The following PREX1 variants were observed in gnomAD, a reference collection of about 807,000 sequenced individuals.
PREX1 encodes phosphatidylinositol 3,4,5-trisphosphate-dependent Rac exchanger 1 protein.
PREX1 carries 41 observed loss-of-function variants against 198.3 expected under a neutral mutation model. That is an observed-to-expected ratio of 0.21 (90% CI 0.16 to 0.27). The LOEUF (loss-of-function observed/expected upper bound fraction) is 0.27, where lower values mean the gene tolerates loss of function less well. Among genes scored for constraint, PREX1 ranks in the 10% least tolerant of loss-of-function variants. The pLI, the probability that PREX1 is intolerant of heterozygous loss-of-function variation, is 1.00. For missense variants in PREX1, 1,620 were observed against 2,200.7 expected, an observed-to-expected ratio of 0.74 and a Z score of 5.28; for synonymous variants, 843 against 887.2, an observed-to-expected ratio of 0.95 and a Z score of 0.89.
the PREX1 span, among the ~76,000 whole-genome samples, chr20:48,861,428 C>CG: frequency 5.3e-5 from 8 of 152,172 alleles, no homozygotes; most frequent in Admixed American, 4.6e-4. Flanking sequence ...TCCGGCCACC[C>CG]GGGGGCTATG....
intron 29 of PREX1, among the ~76,000 whole-genome samples, chr20:48,640,240 T>C (rs1349995671): frequency 3.3e-5 from 5 of 152,206 alleles, no homozygotes; most frequent in African/African-American, 9.6e-5. Flanking sequence ...TCTCAGGAAC[T>C]ACCTCCTCAT....
chr20:48,771,628 A>G lies in PREX1; in HGVS notation c.220-23748T>C, dbSNP rs532951573. ...CTCCAGCCTGGGCGACAGGAGCAAA[A>G]CTCCATCTCAAAATAAAAAAAGGCA... On this transcript the variant is annotated intron_variant, in intron 1 of 39. Transcript: ENST00000371941. Among the ~76,000 whole-genome samples the G allele has an allele frequency of 2.6e-5, 4 of 151,818 alleles. No individual in the cohort carries two copies. The South Asian group carries it at 8.3e-4, about 32-fold the overall frequency.
At chr20:48,700,614 T>C in intron 7 of PREX1, 139 bp downstream of exon 7, 1 of 1,109,656 alleles carries the variant, frequency 9.0e-7, no homozygotes, top group Non-Finnish European at 1.3e-6. Context: ...TTGCATTGTA[T>C]TCCTACTAGA....
At chr20:48,702,070 A>C (rs1601085970) in intron 6 of PREX1, among the ~76,000 whole-genome samples, 1 of 152,260 alleles carries the variant, frequency 6.6e-6, no homozygotes, top group Middle Eastern at 3.4e-3. Flanking sequence ...TTAGCCAGGC[A>C]TGATGGCAGA....
At chr20:48,703,666 C>A (rs1281821468) in intron 6 of PREX1, among the ~76,000 whole-genome samples, 1 of 152,126 alleles carries the variant, frequency 6.6e-6, no homozygotes, top group African/African-American at 2.4e-5. Context: ...AGCTGCCAAG[C>A]CCCAAGATCA....
chr20:48,761,673 ATCAAGGG>A (rs2090181066), intron 1 of PREX1, among the ~76,000 whole-genome samples: 3 of 152,186 alleles, frequency 2.0e-5, no homozygotes, highest in Non-Finnish European at 4.4e-5. Context: ...CGCAGCCCCC[ATCAAGGG>A]GCTGGGGCCT....
Position 48,700,985 on chromosome 20 carries a change from A to C in PREX1, c.784-99T>G. On this transcript the variant is annotated intron_variant, in intron 6 of 39. Coordinates refer to ENST00000371941, the MANE Select transcript of PREX1 (RefSeq NM_020820.4). ...ACTACCACCTCCTGCCACATGCCAAAAACTCCACCAGCAAGTCTGTCAATG... is the reference window on the plus strand; with the variant it reads ...ACTACCACCTCCTGCCACATGCCAACAACTCCACCAGCAAGTCTGTCAATG... The C allele has an allele frequency of 2.6e-6, 4 of 1,509,446 alleles. No homozygotes were observed. The South Asian group carries it at 4.6e-5, about 18-fold the overall frequency. 93.5% of individuals were successfully genotyped at this position (1,509,446 alleles called of 1,614,324 possible).
intron 1 of PREX1, among the ~76,000 whole-genome samples, chr20:48,812,543 A>G (rs1018536927): frequency 6.6e-6 from 1 of 151,778 alleles, no homozygotes; most frequent in Non-Finnish European, 1.5e-5. Flanking sequence ...CTAGAATGCT[A>G]TTATTAAATT....
Position 48,691,439 on chromosome 20 carries a change from C to T in PREX1, c.1037-343G>A, listed in dbSNP as rs1212654222. Among the ~76,000 whole-genome samples, 1 of 152,188 alleles carries T rather than the reference C, an allele frequency of 6.6e-6. No homozygotes were observed. Among genetic ancestry groups the T allele is most frequent in the Non-Finnish European group, 1.5e-5 (1 of 68,042 alleles). ...CCATCTCACTCGGGCACTGGAGTTA[C>T]TTAAAACCTTAGTGCCAGCCTGACA... On this transcript the variant is annotated intron_variant, in intron 8 of 39. Coordinates refer to ENST00000371941, the MANE Select transcript of PREX1 (RefSeq NM_020820.4). This position sits in a 1 kb window ranked among gnomAD's most constrained non-coding sequence, Gnocchi z 5.0.
rs148605556 is a variant in PREX1 at position 48,666,533 on chromosome 20, A to G, written c.1666-178T>C. ...GTGATTATTATTTTTTATTATTATT[A>G]TTATTTTTTTGAGACAGAGTCTCAC... is the stretch of plus-strand genomic sequence containing the variant. On this transcript the variant is annotated intron_variant, in intron 14 of 39. Transcript: ENST00000371941. This position sits in a 1 kb window ranked among gnomAD's most constrained non-coding sequence, Gnocchi z 4.3. 7.8e-5 allele frequency among the ~76,000 whole-genome samples: 11 copies of G among 141,610 alleles called. No homozygotes were observed. The highest frequency in any genetic ancestry group is 2.7e-4 in the African/African-American group (10 of 37,362). The allele number at this position is 141,610 out of a possible 152,430, so 92.9% of individuals were successfully genotyped here.
chr20:48,649,794 A>G (rs564573074), intron 24 of PREX1, among the ~76,000 whole-genome samples: 1 of 152,246 alleles, frequency 6.6e-6, no homozygotes, highest in African/African-American at 2.4e-5. Flanking sequence ...CAATGCAGAC[A>G]TGATGGCTGG....
the PREX1 span, among the ~76,000 whole-genome samples, chr20:48,855,082 A>T: frequency 6.6e-6 from 1 of 152,188 alleles, no homozygotes; most frequent in Non-Finnish European, 1.5e-5. Context: ...TATGATTATC[A>T]TACCGATTAT....
At chr20:48,682,498 C>G (rs768886541) in intron 10 of PREX1, among the ~76,000 whole-genome samples, 18 of 152,218 alleles carry the variant, frequency 1.2e-4, no homozygotes, top group Non-Finnish European at 2.6e-4. Flanking sequence ...ATGGCACTAT[C>G]CCAGCACCTA....
rs190503904 is a variant in PREX1 at position 48,666,888 on chromosome 20, G to A, written c.1666-533C>T. 7.2e-5 allele frequency among the ~76,000 whole-genome samples: 11 copies of A among 152,208 alleles called. No individual in the cohort carries two copies. The East Asian group carries it at 7.7e-4, about 11-fold the overall frequency. On this transcript the variant is annotated intron_variant, in intron 14 of 39. Coordinates refer to ENST00000371941, the MANE Select transcript of PREX1 (RefSeq NM_020820.4). The surrounding 1 kb of genome is among the most constrained non-coding windows in gnomAD (Gnocchi z 4.3). Reference sequence around the variant, plus strand: ...ATTTTATTGTACTGTGATCAATACCGCAAAGAAAAAATGGAGATTTTAAGC... The same window carrying A: ...ATTTTATTGTACTGTGATCAATACCACAAAGAAAAAATGGAGATTTTAAGC...
chr20:48,785,681 A>T (rs1002491057), intron 1 of PREX1, among the ~76,000 whole-genome samples: 2 of 151,992 alleles, frequency 1.3e-5, no homozygotes, highest in African/African-American at 4.8e-5. Flanking sequence ...TTGGGCTTTT[A>T]CCTCCAACCT....
rs1234017843 is a variant in PREX1, at chr20:48,684,574, G to A, written c.1335-3239C>T. ...GCCAAGGGTGAAACCCAAGGCCTTC[G>A]TCCAGGAAGCTTTTCCTGACGGCCC... On this transcript the variant is annotated intron_variant, in intron 10 of 39. Coordinates refer to ENST00000371941, the MANE Select transcript of PREX1 (RefSeq NM_020820.4). The surrounding 1 kb of genome is among the most constrained non-coding windows in gnomAD (Gnocchi z 4.2). Among the ~76,000 whole-genome samples the A allele has an allele frequency of 6.6e-6, 1 of 152,140 alleles. No individual in the cohort carries two copies. The highest frequency in any genetic ancestry group is 1.5e-5 in the Non-Finnish European group (1 of 68,024).
chr20:48,802,713 C>T (rs1037844456), intron 1 of PREX1, among the ~76,000 whole-genome samples: 5 of 152,218 alleles, frequency 3.3e-5, no homozygotes, highest in Non-Finnish European at 7.3e-5. Context: ...CTGTTTCCCC[C>T]ATGCCTGGCA....
intron 1 of PREX1, among the ~76,000 whole-genome samples, chr20:48,802,304 C>A (rs949672744): frequency 6.6e-6 from 1 of 152,142 alleles, no homozygotes; most frequent in African/African-American, 2.4e-5. Flanking sequence ...CAAGACCCTG[C>A]CCAATGCAGC....
intron 14 of PREX1, among the ~76,000 whole-genome samples, chr20:48,672,794 G>C (rs921103160): frequency 1.3e-5 from 2 of 152,052 alleles, no homozygotes; most frequent in African/African-American, 2.4e-5. Flanking sequence ...GCACCACCCC[G>C]CCCATGTGAG....
Sources: gnomAD v4.1 joint callset for allele counts (sites outside exome capture counted in the v4.1 genomes callset) on GRCh38, gnomAD v4.1.1 for gene constraint, Gnocchi (gnomAD v3.1) non-coding constraint, MANE v1.5 for transcripts, NCBI Gene and HGNC (gene_info 2026-07-23, HGNC 2026-07-21) for gene names.